Variants in BPIFB3 observed in about 807,000 individuals in gnomAD.
BPIFB3 encodes BPI fold-containing family B member 3.
A neutral mutation model predicts 53.1 loss-of-function variants in BPIFB3; 49 were observed. The observed-to-expected ratio is 0.92, with a 90% CI of 0.73 to 1.17. The LOEUF (loss-of-function observed/expected upper bound fraction) is 1.17, where lower values mean the gene tolerates loss of function less well. Among genes scored for constraint, BPIFB3 ranks in the 50% most tolerant of loss-of-function variants. The pLI is 0.00. For missense variants in BPIFB3, 628 were observed against 592.5 expected (o/e 1.06, Z -0.62); for synonymous variants, 271 against 269.6 (o/e 1.01, Z -0.05).
At chr20:33,056,267 G>A (rs544633384) in intron 1 of BPIFB3, among the ~76,000 whole-genome samples, 27 of 152,294 alleles carry the variant, frequency 1.8e-4, no homozygotes, top group African/African-American at 5.3e-4. Flanking sequence ...TTTCCCACTG[G>A]TAAAATGAAG....
Position 33,059,880 on chromosome 20 carries a change from C to T in BPIFB3, c.387-11C>T. On this transcript the variant is annotated splice_polypyrimidine_tract_variant and intron_variant, in intron 3 of 14. Transcript: ENST00000375494. ...GCTGCCTGGCCACACCCCCAGTGTC[C>T]TTTCTTGCAGCCCCCTTGGTGGCCT... 1 of 1,613,192 alleles carries T rather than the reference C, an allele frequency of 6.2e-7. No homozygotes were observed.
At chr20:33,069,592 C>T (rs147159975) in intron 10 of BPIFB3, among the ~76,000 whole-genome samples, 3 of 152,350 alleles carry the variant, frequency 2.0e-5, no homozygotes, top group Non-Finnish European at 4.4e-5. Flanking sequence ...TGTTACCTCA[C>T]TGGAAAGGCC....
At chr20:33,066,427 C>T (rs898520994) in intron 8 of BPIFB3, among the ~76,000 whole-genome samples, 4 of 152,172 alleles carry the variant, frequency 2.6e-5, no homozygotes, top group African/African-American at 9.7e-5. Flanking sequence ...GGGGTCAGAT[C>T]CCTGGGCCTT....
chr20:33,065,377 G>T (rs1371880214), intron 8 of BPIFB3, among the ~76,000 whole-genome samples: 1 of 152,058 alleles, frequency 6.6e-6, no homozygotes, highest in Non-Finnish European at 1.5e-5. Context: ...CAGGCATGGT[G>T]GTGCATGCCT....
chr20:33,069,162 C>T (rs1004918345), intron 10 of BPIFB3, among the ~76,000 whole-genome samples, 189 bp downstream of exon 11: 2 of 152,166 alleles, frequency 1.3e-5, no homozygotes, highest in Non-Finnish European at 1.5e-5. Context: ...GCTTCAGTTC[C>T]TGCCTGCTCC....
In BPIFB3 at chr20:33,056,710, C is replaced by A; in HGVS notation, c.281+12C>A. The stretch of plus-strand genomic sequence containing the variant: ...GAGGAGCTCTCTGGGTGAGTCCCAC[C>A]TGCTGCATGCCCTACAGGAAGACTT... On this transcript the variant is annotated intron_variant, in intron 2 of 14. Transcript: ENST00000375494. The A allele has an allele frequency of 6.4e-7, 1 of 1,564,228 alleles. No individual in the cohort carries two copies.
chr20:33,072,219 G>A, intron 13 of BPIFB3, 52 bp downstream of exon 14: 1 of 1,572,342 alleles, frequency 6.4e-7, no homozygotes, highest in Non-Finnish European at 8.8e-7. Flanking sequence ...ATTTGGTATT[G>A]TCTAGTCTGT....
rs906484481 is a variant in BPIFB3 at position 33,072,035 on chromosome 20, C to T, written c.1261-69C>T. On this transcript the variant is annotated intron_variant, in intron 12 of 14. Transcript: ENST00000375494. Reference sequence around the variant, plus strand: ...GCCCCTGGGTTTCTCTCCCTGGGAACGGGATGCTGCTGCCTGTAAAGCCAC... The same window carrying T: ...GCCCCTGGGTTTCTCTCCCTGGGAATGGGATGCTGCTGCCTGTAAAGCCAC... 32 of 1,526,254 alleles carry T rather than the reference C, an allele frequency of 2.1e-5. No individual in the cohort carries two copies. In the African/African-American group the frequency reaches 3.0e-4, roughly 14 times the overall value. The allele number at this position is 1,526,254 out of a possible 1,614,324, so 94.5% of individuals were successfully genotyped here.
chr20:33,072,299 C>T, intron 13 of BPIFB3, 132 bp downstream of exon 14: 1 of 1,005,030 alleles, frequency 9.9e-7, no homozygotes, highest in Non-Finnish European at 1.5e-6. Flanking sequence ...TTGCAAGATG[C>T]AGAAACTGAG....
At chr20:33,069,000 C>T (rs762149466) in intron 10 of BPIFB3, 27 bp downstream of exon 11, 1 of 1,601,804 alleles carries the variant, frequency 6.2e-7, no homozygotes, top group South Asian at 1.1e-5. Flanking sequence ...TGGCTGGGGG[C>T]CCGGCATTGG....
At chr20:33,064,160 G>C (rs144120144) in intron 6 of BPIFB3, among the ~76,000 whole-genome samples, 1 of 152,214 alleles carries the variant, frequency 6.6e-6, no homozygotes, top group Non-Finnish European at 1.5e-5. Flanking sequence ...CTTGGGGCCG[G>C]TATGTCTCTA....
At chr20:33,067,002 C>T (rs949396233) in intron 9 of BPIFB3, 125 bp downstream of exon 10, 3 of 971,096 alleles carry the variant, frequency 3.1e-6, no homozygotes, top group Non-Finnish European at 4.8e-6. Context: ...TCCAAATTCA[C>T]ACTAAAGTGT....
chr20:33,072,517 T>C (rs1020045144), intron 13 of BPIFB3, among the ~76,000 whole-genome samples, 200 bp from the exon 15 acceptor site: 3 of 152,138 alleles, frequency 2.0e-5, no homozygotes, highest in African/African-American at 7.2e-5. Context: ...GGGGCACCAC[T>C]GACACAATAC....
chr20:33,067,908 G>A (rs1980731898), intron 9 of BPIFB3, among the ~76,000 whole-genome samples: 1 of 152,170 alleles, frequency 6.6e-6, no homozygotes, highest in African/African-American at 2.4e-5. Flanking sequence ...AGGGATTCTG[G>A]GCTTGAGGAA....
chr20:33,056,768 C>T, intron 2 of BPIFB3, 70 bp downstream of exon 3: 1 of 1,490,550 alleles, frequency 6.7e-7, no homozygotes, highest in African/African-American at 1.4e-5. Flanking sequence ...GAGAGATTGT[C>T]TCTTTGTAAT....
intron 11 of BPIFB3, among the ~76,000 whole-genome samples, chr20:33,070,351 TCTC>T (rs1980834823): frequency 6.6e-6 from 1 of 152,196 alleles, no homozygotes; most frequent in Non-Finnish European, 1.5e-5. Context: ...ACTTCTCTAT[TCTC>T]CTCACCCCTG....
At chr20:33,073,584 T>G (rs752967460) in exon 15 of BPIFB3, 3 of 1,613,994 alleles carry the variant, frequency 1.9e-6, no homozygotes, top group Non-Finnish European at 1.7e-6. Flanking sequence ...AGAATGCTGT[T>G]GTGCTGACCG....
intron 8 of BPIFB3, among the ~76,000 whole-genome samples, 165 bp downstream of exon 9, chr20:33,065,010 A>G (rs2093067): frequency 0.38 from 57,820 of 152,024 alleles, 11,296 homozygotes; most frequent in Middle Eastern, 0.46. Context: ...CTCCACTCCT[A>G]TACTTAGGGG....
chr20:33,059,354 C>G, intron 2 of BPIFB3, 24 bp from the exon 4 acceptor site: 1 of 1,577,616 alleles, frequency 6.3e-7, no homozygotes, highest in Non-Finnish European at 8.7e-7. Context: ...GAGTGAGCAA[C>G]CCTCTCCCTG....
Sources: gnomAD v4.1 joint callset for allele counts (sites outside exome capture counted in the v4.1 genomes callset) on GRCh38, gnomAD v4.1.1 for gene constraint, MANE v1.5 for transcripts, NCBI Gene and HGNC (gene_info 2026-07-23, HGNC 2026-07-21) for gene names.